Variants in SCN4A observed in about 807,000 individuals in gnomAD.
The protein encoded by SCN4A is sodium channel protein type 4 subunit alpha.
SCN4A carries 83 observed loss-of-function variants against 162.0 expected under a neutral mutation model. The observed-to-expected ratio is 0.51, with a 90% confidence interval of 0.43 to 0.61. The LOEUF (loss-of-function observed/expected upper bound fraction) is 0.61. SCN4A is among the 20% of genes least tolerant of loss of function. SCN4A has a pLI of 0.00. For missense variants in SCN4A, 2,196 were observed against 2,462.5 expected, an observed-to-expected ratio of 0.89 and a Z score of 2.29; for synonymous variants, 944 against 985.1, an observed-to-expected ratio of 0.96 and a Z score of 0.78.
rs2877373 is a variant in SCN4A at position 63,964,718 on chromosome 17, T to C, written c.1243-41A>G. On this transcript the variant is annotated intron_variant, in intron 8 of 23. Coordinates refer to ENST00000435607, the MANE Select transcript of SCN4A (RefSeq NM_000334.4). ...GAGGGAGTGGAGGGGTCCCATGACGTCCACCTCCTTTGACCCAGTGCCCCT... is the reference window on the plus strand; with the variant it reads ...GAGGGAGTGGAGGGGTCCCATGACGCCCACCTCCTTTGACCCAGTGCCCCT... 0.89 allele frequency: 1,340,489 copies of C among 1,513,008 alleles called. 598,801 individuals carry two copies. Among genetic ancestry groups the C allele is most frequent in the East Asian group, 0.96 (40,437 of 41,908 alleles). 93.7% of individuals were successfully genotyped at this position (1,513,008 alleles called of 1,614,324 possible).
Position 63,944,944 on chromosome 17 carries a change from C to T in SCN4A, c.3774+63G>A, listed in dbSNP as rs1448727301. The T allele has an allele frequency of 6.3e-7, 1 of 1,596,684 alleles. No homozygotes were observed. The highest frequency in any genetic ancestry group is 8.6e-7 in the Non-Finnish European group (1 of 1,166,796). The stretch of plus-strand genomic sequence containing the variant: ...GGACAGAACGTGCTGCCAAGTCTCC[C>T]TCCTGTCTTGAGTCCTCTTCCCTGG... On this transcript the variant is annotated intron_variant, in intron 20 of 23. Coordinates refer to ENST00000435607, the MANE Select transcript of SCN4A (RefSeq NM_000334.4). The surrounding 1 kb of genome is among the most constrained non-coding windows in gnomAD (Gnocchi z 4.3).
Position 63,944,046 on chromosome 17 carries a change from G to C in SCN4A, c.3913-196C>G, listed in dbSNP as rs971722434. On this transcript the variant is annotated intron_variant, in intron 21 of 23. Coordinates refer to ENST00000435607, the MANE Select transcript of SCN4A (RefSeq NM_000334.4). This position sits in a 1 kb window ranked among gnomAD's most constrained non-coding sequence, Gnocchi z 4.3. The stretch of plus-strand genomic sequence containing the variant: ...GAGGAGAAGGGAGGGAAGGGGAGTG[G>C]GGATCAATGCTGTCTTGCAGCCTGT... Among the ~76,000 whole-genome samples the C allele has an allele frequency of 6.6e-5, 10 of 152,130 alleles. No homozygotes were observed. Among genetic ancestry groups the C allele is most frequent in the African/African-American group, 2.4e-4 (10 of 41,416 alleles).
rs775287099 is a variant in SCN4A at position 63,945,530 on chromosome 17, C to T, written c.3550G>A (p.Gly1184Ser). The T allele has an allele frequency of 6.2e-6, 10 of 1,613,800 alleles. No individual in the cohort carries two copies. The highest frequency in any genetic ancestry group is 3.3e-5 in the South Asian group (3 of 91,080). ...FSIMGVNLFAGKFYYCINTTT... is the reference protein window; with the variant it reads ...FSIMGVNLFASKFYYCINTTT... ...GTGTTGATGCAGTAGTAGAACTTGC[C>T]GGCAAACAGGTTGACACCCATGATG... Residue 1184 changes from glycine to serine, a missense_variant, in exon 19 of 24, where the codon GGC becomes AGC. Gly to Ser is a moderately conservative substitution (Grantham distance 56, BLOSUM62 0). Coordinates refer to ENST00000435607, the MANE Select transcript of SCN4A (RefSeq NM_000334.4). This position sits in a 1 kb window ranked among gnomAD's most constrained non-coding sequence, Gnocchi z 4.4.
intron 21 of SCN4A, 71 bp from the exon 22 acceptor site, chr17:63,943,921 A>AG: frequency 2.2e-5 from 21 of 939,362 alleles, no homozygotes; most frequent in Non-Finnish European, 3.5e-5. Context: ...CCCCCACCTC[A>AG]GTGGGGCACC....
At chr17:63,964,859 C>T (rs554192601) in intron 8 of SCN4A, among the ~76,000 whole-genome samples, 182 bp from the exon 9 acceptor site, 2 of 152,314 alleles carry the variant, frequency 1.3e-5, no homozygotes, top group African/African-American at 4.8e-5. Context: ...AAAATATCTA[C>T]TTGGGACTCA....
At chr17:63,947,217 C>T in intron 17 of SCN4A, 50 bp from the exon 18 acceptor site, 5 of 1,608,920 alleles carry the variant, frequency 3.1e-6, no homozygotes, top group Non-Finnish European at 4.2e-6. Flanking sequence ...CCCAGCCTCC[C>T]CTCAAGCCCA....
At chr17:63,954,107 A>G (rs76031785) in intron 13 of SCN4A, among the ~76,000 whole-genome samples, 3,836 of 152,242 alleles carry the variant, frequency 0.025, 61 homozygotes, top group African/African-American at 0.046. Flanking sequence ...GCACTTGCAG[A>G]TCCGCCACCC....
chr17:63,943,916 AC>A, intron 21 of SCN4A, 66 bp from the exon 22 acceptor site: 19 of 1,001,900 alleles, frequency 1.9e-5, no homozygotes, highest in Non-Finnish European at 2.7e-5. Flanking sequence ...GACCACCCCC[AC>A]CTCAGTGGGG....
At chr17:63,955,525 G>A (rs1909047454) in intron 13 of SCN4A, among the ~76,000 whole-genome samples, 1 of 152,210 alleles carries the variant, frequency 6.6e-6, no homozygotes, top group Non-Finnish European at 1.5e-5. Flanking sequence ...GAGGCCCAAA[G>A]GGTTAAATAA....
chr17:63,943,475 T>C lies in SCN4A; in HGVS notation c.4017+271A>G, dbSNP rs1448514900. On this transcript the variant is annotated intron_variant, in intron 22 of 23. Coordinates refer to ENST00000435607, the MANE Select transcript of SCN4A (RefSeq NM_000334.4). The stretch of plus-strand genomic sequence containing the variant: ...GGCCACTGGGGTCCCAGGTGGGAGG[T>C]AGGTGGGCACTGAGGAGCTTCGTGG... Among the ~76,000 whole-genome samples, 3 of 151,466 alleles carry C rather than the reference T, an allele frequency of 2.0e-5. No individual in the cohort carries two copies. The East Asian group carries it at 5.8e-4, about 29-fold the overall frequency.
chr17:63,971,282 C>CT (rs1298017380), intron 4 of SCN4A, 29 bp from the exon 5 acceptor site: 4 of 1,204,920 alleles, frequency 3.3e-6, no homozygotes, highest in Non-Finnish European at 4.8e-6. Context: ...GGGGTGGGGA[C>CT]TGTCAGAGCC....
At chr17:63,952,960 T>C (rs1036726348) in intron 13 of SCN4A, among the ~76,000 whole-genome samples, 1 of 152,216 alleles carries the variant, frequency 6.6e-6, no homozygotes, top group Non-Finnish European at 1.5e-5. Flanking sequence ...CCCCAGTTTA[T>C]TAGCTGTGTG....
Position 63,972,376 on chromosome 17 carries a change from C to T in SCN4A, c.368G>A (p.Gly123Glu). 2 of 1,613,922 alleles carry T rather than the reference C, an allele frequency of 1.2e-6. No homozygotes were observed. The highest frequency in any genetic ancestry group is 1.7e-6 in the Non-Finnish European group (2 of 1,179,850). The change falls in exon 2 of 24, where the codon GGG (glycine) becomes GAG (glutamate). Residue 123 changes from glycine (G) to glutamate (E), a missense_variant. Transcript: ENST00000435607. The surrounding 1 kb of genome is among the most constrained non-coding windows in gnomAD (Gnocchi z 4.3). The stretch of plus-strand genomic sequence containing the variant: ...TGCATGGATGAGCACCTTGATGGCC[C>T]CGCGCCTGACTACGCTGAAGGGGCT... ...LLSPFSVVRR[G>E]AIKVLIHALF... is the part of the protein sequence containing the mutation.
chr17:63,945,113 A>C lies in SCN4A; in HGVS notation c.3721-53T>G. 2 of 1,576,860 alleles carry C rather than the reference A, an allele frequency of 1.3e-6. No homozygotes were observed. Among genetic ancestry groups the C allele is most frequent in the South Asian group, 2.2e-5 (2 of 89,226 alleles). On this transcript the variant is annotated intron_variant, in intron 19 of 23. Transcript: ENST00000435607. The surrounding 1 kb of genome is among the most constrained non-coding windows in gnomAD (Gnocchi z 4.4). ...CGGGGGGCTGCTCCCTGCTTTCATC[A>C]TCCATGAGTTTCCCTCCCCCACCCA...
Position 63,947,271 on chromosome 17 carries a change from C to T in SCN4A, c.3319-104G>A, listed in dbSNP as rs1194708524. 30 of 1,431,456 alleles carry T rather than the reference C, an allele frequency of 2.1e-5. No homozygotes were observed. The East Asian group carries it at 5.9e-4, about 28-fold the overall frequency. 88.7% of individuals were successfully genotyped at this position (1,431,456 alleles called of 1,614,324 possible). A position where few individuals can be genotyped will look rare whatever the true frequency, so the allele number is the denominator to read the frequency against. ...GGACTCACAGCTCCTGGTTGTCTCC[C>T]TTAGATCCCCTCCCTAGTGGGTGGT... On this transcript the variant is annotated intron_variant, in intron 17 of 23. Coordinates refer to ENST00000435607, the MANE Select transcript of SCN4A (RefSeq NM_000334.4).
chr17:63,970,975 C>A (rs184072072), intron 5 of SCN4A, among the ~76,000 whole-genome samples, 187 bp downstream of exon 5: 1 of 152,218 alleles, frequency 6.6e-6, no homozygotes, highest in Non-Finnish European at 1.5e-5. Flanking sequence ...GCCTCTCAAA[C>A]GCCCATCCTT....
At chr17:63,961,919 T>C (rs1194278869) in intron 10 of SCN4A, among the ~76,000 whole-genome samples, 1 of 137,974 alleles carries the variant, frequency 7.2e-6, no homozygotes, top group East Asian at 2.1e-4. Context: ...CATCCTCATG[T>C]CCGTCCCCTC....
chr17:63,972,037 T>C lies in SCN4A; in HGVS notation c.482+99A>G. Reference sequence around the variant, plus strand: ...GTGGATGAGGGTCACAATGACAGTGTGTCTCCCTGAAAGACAAGAGCAGCA... The same window carrying C: ...GTGGATGAGGGTCACAATGACAGTGCGTCTCCCTGAAAGACAAGAGCAGCA... On this transcript the variant is annotated intron_variant, in intron 3 of 23. Coordinates refer to ENST00000435607, the MANE Select transcript of SCN4A (RefSeq NM_000334.4). The surrounding 1 kb of genome is among the most constrained non-coding windows in gnomAD (Gnocchi z 4.3). 9.1e-7 allele frequency: 1 copy of C among 1,097,014 alleles called. No individual in the cohort carries two copies. The highest frequency in any genetic ancestry group is 1.4e-6 in the Non-Finnish European group (1 of 734,742). 68.0% of individuals were successfully genotyped at this position (1,097,014 alleles called of 1,614,324 possible).
At chr17:63,964,386 C>G in intron 9 of SCN4A, 82 bp downstream of exon 9, 1 of 1,280,782 alleles carries the variant, frequency 7.8e-7, no homozygotes, top group Admixed American at 1.8e-5. Flanking sequence ...CACCCTCGGC[C>G]CCCCAGGGAG....
Sources: allele counts gnomAD v4.1 joint callset (sites outside exome capture counted in the v4.1 genomes callset), GRCh38; gene constraint gnomAD v4.1.1; non-coding constraint Gnocchi (gnomAD v3.1); transcripts MANE v1.5; gene names NCBI Gene and HGNC (gene_info 2026-07-23, HGNC 2026-07-21).